The following SOS1 variants were observed in gnomAD, a reference collection of about 807,000 sequenced individuals.
SOS1 encodes the protein SOS Ras/Rac guanine nucleotide exchange factor 1.
A neutral mutation model predicts 157.6 loss-of-function variants in SOS1; 25 were observed. The ratio of observed to expected loss-of-function variants is 0.16; its 90% confidence interval spans 0.12 to 0.22. The LOEUF (loss-of-function observed/expected upper bound fraction) is 0.22. Ranked by LOEUF, SOS1 falls within the 10% of genes least tolerant of loss-of-function variation. The pLI is 1.00. For missense variants in SOS1, 1,237 were observed against 1,599.1 expected (o/e 0.77, Z 3.86); for synonymous variants, 528 against 534.0 (o/e 0.99, Z 0.16).
rs139080582 is a variant in SOS1 at position 38,985,217 on chromosome 2, A to G, written c.*607T>C. 1 of 152,914 alleles carries G rather than the reference A, an allele frequency of 6.5e-6. No homozygotes were observed. The highest frequency in any genetic ancestry group is 1.9e-4 in the East Asian group (1 of 5,194). The allele number at this position is 152,914 out of a possible 1,614,324, so 9.5% of individuals were successfully genotyped here. On this transcript the variant is annotated 3_prime_UTR_variant, in exon 23 of 23. Transcript: ENST00000402219. ...AAAACAACAACAACAACAAAAAAGT[A>G]CCTCTTTGGTGAAGCCTCGGTACCC... is the stretch of plus-strand genomic sequence containing the variant.
chr2:39,017,609 C>G (rs567558794), intron 10 of SOS1, among the ~76,000 whole-genome samples: 1 of 152,012 alleles, frequency 6.6e-6, no homozygotes, highest in Admixed American at 6.6e-5. Flanking sequence ...ACAAAAGCAG[C>G]AGAAACTAAA....
At position 39,104,589 on chromosome 2, in the gene SOS1, C is replaced by T. The variant is rs192222717; in HGVS notation, c.87+15747G>A. ...TAACCACAGCGAATTACAAAAACAA[C>T]CCAGCAATTCCATTCCAAGGAACAT... On this transcript the variant is annotated intron_variant, in intron 1 of 22. Coordinates refer to ENST00000402219, the MANE Select transcript of SOS1 (RefSeq NM_005633.4). Among the ~76,000 whole-genome samples, 119 of 152,246 alleles carry T rather than the reference C, an allele frequency of 7.8e-4. 2 individuals are homozygous for T. Among genetic ancestry groups the T allele is most frequent in the Non-Finnish European group, 1.0e-3 (68 of 68,002 alleles).
chr2:38,981,569 TTTTC>T lies in SOS1; in HGVS notation c.*4251_*4254del, dbSNP rs556850622. 1.6e-4 allele frequency: 24 copies of T among 152,226 alleles called. No homozygotes were observed. The highest frequency in any genetic ancestry group is 4.6e-4 in the African/African-American group (19 of 41,536). 9.4% of individuals were successfully genotyped at this position (152,226 alleles called of 1,614,324 possible). On this transcript the variant is annotated 3_prime_UTR_variant, in exon 23 of 23. Coordinates refer to ENST00000402219, the MANE Select transcript of SOS1 (RefSeq NM_005633.4). ...TACACTTGTGGGCTATGTAAGGCAT[TTTTC>T]TTTATTATTTTTCAGTTTATCTTAG... is the stretch of plus-strand genomic sequence containing the variant.
At position 39,103,018 on chromosome 2, in the gene SOS1, A is replaced by C. The variant is rs766386781; in HGVS notation, c.87+17318T>G. 5.7e-4 allele frequency among the ~76,000 whole-genome samples: 86 copies of C among 152,204 alleles called. 1 individual carries two copies. The highest frequency in any genetic ancestry group is 4.9e-4 in the Non-Finnish European group (33 of 68,038). On this transcript the variant is annotated intron_variant, in intron 1 of 22. Coordinates refer to ENST00000402219, the MANE Select transcript of SOS1 (RefSeq NM_005633.4). ...GTGTTTCTATGCATATGCAATGAAT[A>C]ATCTGAAAAAGAAATTAGGAATGCA...
In SOS1 at chr2:39,106,184, TACACAC is replaced by T. The variant is rs35147616; in HGVS notation, c.87+14146_87+14151del. Among the ~76,000 whole-genome samples, 77 of 148,180 alleles carry T rather than the reference TACACAC, an allele frequency of 5.2e-4. No homozygotes were observed. In the East Asian group the frequency reaches 6.6e-3, roughly 13 times the overall value. ...GCAGTGAGCTGAGACTGTGCTACTGTACACACACACACACACACACACACACACAAA... is the reference window on the plus strand; with the variant it reads ...GCAGTGAGCTGAGACTGTGCTACTGTACACACACACACACACACACACAAA... On this transcript the variant is annotated intron_variant, in intron 1 of 22. Transcript: ENST00000402219.
intron 1 of SOS1, among the ~76,000 whole-genome samples, chr2:39,092,117 A>G (rs574593196): frequency 6.6e-6 from 1 of 152,310 alleles, no homozygotes; most frequent in African/African-American, 2.4e-5. Context: ...AAAGCCCTAC[A>G]TGAAGTGGTC....
At chr2:38,992,430 C>G (rs944224191) in intron 20 of SOS1, 5 of 152,126 alleles carry the variant, frequency 3.3e-5, no homozygotes, top group African/African-American at 1.2e-4. Flanking sequence ...AGCCTAACTC[C>G]TGAAACAATG....
Position 39,012,206 on chromosome 2 carries a change from G to A in SOS1, c.2310C>T (p.His770=). The stretch of plus-strand genomic sequence containing the variant: ...AGGTGAGCAGGTCAAAAGTCTCTAT[G>A]TGCCCAGGTCTGCTTATATGCCACT... ...TVEWHISRPG[H]IETFDLLTLH... The change falls in exon 14 of 23, where the codon CAC becomes CAT. Residue 770 remains histidine (H), a synonymous_variant. Transcript: ENST00000402219. 1.2e-6 allele frequency: 2 copies of A among 1,613,724 alleles called. No individual in the cohort carries two copies. Among genetic ancestry groups the A allele is most frequent in the Non-Finnish European group, 1.7e-6 (2 of 1,179,752 alleles).
intron 1 of SOS1, among the ~76,000 whole-genome samples, chr2:39,079,705 G>T (rs1672136299): frequency 6.6e-6 from 1 of 152,002 alleles, no homozygotes; most frequent in African/African-American, 2.4e-5. Flanking sequence ...ATGTTGGTCA[G>T]GCTGGTCTCA....
chr2:39,022,037 C>T (rs1239560350), intron 10 of SOS1, among the ~76,000 whole-genome samples: 6 of 151,630 alleles, frequency 4.0e-5, no homozygotes, highest in Admixed American at 2.0e-4. Context: ...AATACACTGA[C>T]TATAGACATT....
chr2:39,085,428 G>C (rs1420134497), intron 1 of SOS1, among the ~76,000 whole-genome samples: 2 of 152,234 alleles, frequency 1.3e-5, no homozygotes, highest in East Asian at 3.8e-4. Context: ...CATGTGATGT[G>C]TGTCTACTGT....
intron 1 of SOS1, among the ~76,000 whole-genome samples, chr2:39,081,148 G>A (rs1340129787): frequency 6.6e-6 from 1 of 152,134 alleles, no homozygotes; most frequent in Non-Finnish European, 1.5e-5. Context: ...GGAGTGGCTG[G>A]AGACCCTGTC....
At chr2:39,124,016 C>G (rs1006154972), upstream of SOS1, 2 of 152,250 alleles carry the variant, frequency 1.3e-5, no homozygotes, top group Admixed American at 1.3e-4. Flanking sequence ...CTAGCATGGC[C>G]GTTTGGGCCG....
chr2:39,091,195 T>C (rs1337834100), intron 1 of SOS1, among the ~76,000 whole-genome samples: 1 of 152,138 alleles, frequency 6.6e-6, no homozygotes, highest in African/African-American at 2.4e-5. Context: ...TATCAACCTC[T>C]CAGGTGGGAC....
At chr2:39,015,328 T>TAA (rs1402918911) in intron 10 of SOS1, among the ~76,000 whole-genome samples, 1 of 151,992 alleles carries the variant, frequency 6.6e-6, no homozygotes, top group East Asian at 1.9e-4. Context: ...TTGGAACTTA[T>TAA]AAAGTAGTAG....
At chr2:39,095,156 A>G (rs1672727605) in intron 1 of SOS1, among the ~76,000 whole-genome samples, 1 of 152,174 alleles carries the variant, frequency 6.6e-6, no homozygotes, top group Non-Finnish European at 1.5e-5. Context: ...GCTGCTTGCA[A>G]AAGTTTCAGA....
At chr2:38,992,908 C>T (rs1471271109) in intron 20 of SOS1, 2 of 152,000 alleles carry the variant, frequency 1.3e-5, no homozygotes, top group Non-Finnish European at 2.9e-5. Context: ...TCTATTTGAA[C>T]TTATCAAAAA....
At chr2:39,100,724 T>G (rs1257916085) in intron 1 of SOS1, among the ~76,000 whole-genome samples, 1 of 152,138 alleles carries the variant, frequency 6.6e-6, no homozygotes, top group Admixed American at 6.5e-5. Context: ...AAGACCAGCC[T>G]AGGCAACACA....
At chr2:39,032,210 T>A (rs1318378784) in intron 8 of SOS1, among the ~76,000 whole-genome samples, 1 of 152,192 alleles carries the variant, frequency 6.6e-6, no homozygotes, top group East Asian at 1.9e-4. Flanking sequence ...GTAGTTACCA[T>A]GATGTACGAT....
Sources: gnomAD v4.1 joint callset for allele counts (sites outside exome capture counted in the v4.1 genomes callset) on GRCh38, gnomAD v4.1.1 for gene constraint, MANE v1.5 for transcripts, NCBI Gene and HGNC (gene_info 2026-07-23, HGNC 2026-07-21) for gene names.